The following SAMD3 variants were observed in gnomAD, a reference collection of about 807,000 sequenced individuals.
SAMD3 encodes sterile alpha motif domain containing 3, also known as sterile alpha motif domain-containing protein 3.
Under a neutral mutation model 58.5 loss-of-function variants are expected in SAMD3, and 63 were observed. The observed-to-expected ratio is 1.08, with a 90% confidence interval of 0.88 to 1.33. SAMD3 has a LOEUF of 1.33. Among genes scored for constraint, SAMD3 ranks in the 40% most tolerant of loss-of-function variants. The pLI is 0.00. For synonymous variants in SAMD3, 220 were observed against 210.3 expected, an observed-to-expected ratio of 1.05 and a Z score of -0.40; for missense variants, 604 against 608.4, an observed-to-expected ratio of 0.99 and a Z score of 0.08.
At chr6:130,147,407 T>G (rs1364941296) in intron 9 of SAMD3, among the ~76,000 whole-genome samples, 1 of 152,226 alleles carries the variant, frequency 6.6e-6, no homozygotes, top group Non-Finnish European at 1.5e-5. Flanking sequence ...AACCGTTTTC[T>G]CAGCAGGAAG....
At chr6:130,338,785 A>T (rs1288158620) in intron 1 of SAMD3, among the ~76,000 whole-genome samples, 1 of 152,198 alleles carries the variant, frequency 6.6e-6, no homozygotes, top group Non-Finnish European at 1.5e-5. Context: ...CATTTATCCA[A>T]TTCCTATACT....
intron 4 of SAMD3, among the ~76,000 whole-genome samples, chr6:130,210,253 C>A (rs1475039631): frequency 6.6e-6 from 1 of 152,184 alleles, no homozygotes; most frequent in Non-Finnish European, 1.5e-5. Context: ...GCTGAGGTAT[C>A]AACAGGATGC....
intron 1 of SAMD3, chr6:130,364,976 T>C (rs1778093980): frequency 6.7e-6 from 1 of 150,028 alleles, no homozygotes; most frequent in Admixed American, 7.6e-5. Flanking sequence ...ACAAATACAC[T>C]GCACCAGAAT....
intron 5 of SAMD3, among the ~76,000 whole-genome samples, chr6:130,192,025 T>G (rs1018357666): frequency 7.2e-5 from 11 of 152,196 alleles, no homozygotes; most frequent in African/African-American, 2.7e-4. Context: ...CAGGTAGATT[T>G]TACTCACTGC....
intron 2 of SAMD3, 184 bp from the exon 3 acceptor site, chr6:130,215,478 A>C: frequency 7.5e-7 from 1 of 1,335,920 alleles, no homozygotes; most frequent in Non-Finnish European, 9.5e-7. Context: ...CTCACTTTAA[A>C]AATAAGACCT....
At chr6:130,301,866 T>C (rs922531404) in intron 2 of SAMD3, among the ~76,000 whole-genome samples, 7 of 152,110 alleles carry the variant, frequency 4.6e-5, no homozygotes, top group Non-Finnish European at 5.9e-5. Flanking sequence ...TCTTATTCAA[T>C]AAATGGTCTG....
At chr6:130,194,491 T>A (rs1015278471) in intron 5 of SAMD3, among the ~76,000 whole-genome samples, 1 of 152,200 alleles carries the variant, frequency 6.6e-6, no homozygotes, top group African/African-American at 2.4e-5. Context: ...AGAAAAAAGT[T>A]GCAATTCCTT....
chr6:130,318,319 A>T (rs748395302), intron 1 of SAMD3, among the ~76,000 whole-genome samples: 2 of 152,218 alleles, frequency 1.3e-5, no homozygotes, highest in Non-Finnish European at 2.9e-5. Context: ...ATGCTTTCCA[A>T]TGAACTATCT....
chr6:130,262,494 T>A (rs1261151753), intron 2 of SAMD3, among the ~76,000 whole-genome samples: 2 of 150,046 alleles, frequency 1.3e-5, no homozygotes, highest in Admixed American at 6.6e-5. Context: ...TAACAAGGGA[T>A]TTAAATCTTA....
At chr6:130,211,930 C>G (rs1795609333) in intron 4 of SAMD3, among the ~76,000 whole-genome samples, 1 of 150,002 alleles carries the variant, frequency 6.7e-6, no homozygotes, top group South Asian at 2.2e-4. Context: ...CCATCACAGA[C>G]TCTTTAGAAC....
intron 4 of SAMD3, among the ~76,000 whole-genome samples, chr6:130,213,324 T>TA (rs372149730): frequency 0.02 from 2,949 of 150,064 alleles, 46 homozygotes; most frequent in Non-Finnish European, 0.027. Context: ...TTTTTTTTTT[T>TA]TAAAAAAAAT....
At chr6:130,291,805 TG>T (rs1240935851) in intron 2 of SAMD3, among the ~76,000 whole-genome samples, 6 of 152,220 alleles carry the variant, frequency 3.9e-5, no homozygotes, top group Admixed American at 1.3e-4. Flanking sequence ...TGATTAATTA[TG>T]GGTTCTCCTT....
intron 2 of SAMD3, among the ~76,000 whole-genome samples, chr6:130,266,796 C>T (rs1358053232): frequency 6.6e-6 from 1 of 152,184 alleles, no homozygotes; most frequent in Non-Finnish European, 1.5e-5. Flanking sequence ...GGCTTCCCTG[C>T]CTATGCTTCT....
chr6:130,240,901 T>G (rs1773332721), intron 2 of SAMD3, among the ~76,000 whole-genome samples: 2 of 152,146 alleles, frequency 1.3e-5, no homozygotes, highest in South Asian at 4.1e-4. Context: ...AAGTATTCTA[T>G]TATAGCAGCA....
intron 1 of SAMD3, among the ~76,000 whole-genome samples, chr6:130,320,637 A>G (rs1776553635): frequency 6.6e-6 from 1 of 152,232 alleles, no homozygotes; most frequent in African/African-American, 2.4e-5. Context: ...ATGCCCATCA[A>G]CAGGTGAATA....
chr6:130,172,678 T>C (rs572731952), intron 8 of SAMD3, among the ~76,000 whole-genome samples: 3 of 152,230 alleles, frequency 2.0e-5, no homozygotes, highest in Admixed American at 2.0e-4. Context: ...CTGACAATCA[T>C]GTGTTTTGGG....
At chr6:130,314,127 G>A (rs11967230) in intron 1 of SAMD3, among the ~76,000 whole-genome samples, 3 of 152,200 alleles carry the variant, frequency 2.0e-5, no homozygotes, top group Admixed American at 6.5e-5. Flanking sequence ...TGGAAAGGAC[G>A]TAAAATATGT....
chr6:130,208,785 T>A (rs926179899), intron 5 of SAMD3, among the ~76,000 whole-genome samples: 1 of 152,210 alleles, frequency 6.6e-6, no homozygotes, highest in African/African-American at 2.4e-5. Flanking sequence ...ATAAATGGAA[T>A]GTGCTTGACT....
chr6:130,222,489 A>C (rs1431027297), intron 1 of SAMD3, among the ~76,000 whole-genome samples: 1 of 152,238 alleles, frequency 6.6e-6, no homozygotes. Flanking sequence ...TGTGGAAAGA[A>C]TAAAATAAAA....
Sources: gnomAD v4.1 joint callset for allele counts (sites outside exome capture counted in the v4.1 genomes callset) on GRCh38, gnomAD v4.1.1 for gene constraint, MANE v1.5 for transcripts, NCBI Gene and HGNC (gene_info 2026-07-23, HGNC 2026-07-21) for gene names.